RNF38: variants seen among roughly 807,000 people sequenced by gnomAD.
RNF38 encodes ring finger protein 38.
In RNF38, 15 loss-of-function variants were observed where a neutral mutation model predicts 67.2. The observed-to-expected ratio is 0.22, with a 90% confidence interval of 0.15 to 0.34. RNF38 has a LOEUF of 0.34. Ranked by LOEUF, RNF38 falls within the 10% of genes least tolerant of loss-of-function variation. The pLI is 1.00. For synonymous variants in RNF38, 220 were observed against 218.8 expected (o/e 1.01, Z -0.05); for missense variants, 524 against 639.9 (o/e 0.82, Z 1.95).
At chr9:36,429,869 A>G (rs1838885140) in intron 1 of RNF38, among the ~76,000 whole-genome samples, 1 of 152,100 alleles carries the variant, frequency 6.6e-6, no homozygotes, top group Admixed American at 6.6e-5. Flanking sequence ...TAACTGTAGT[A>G]TTGTTGTTTT....
chr9:36,376,217 C>T (rs34367831), intron 2 of RNF38, 90 bp from the exon 3 acceptor site: 4 of 953,348 alleles, frequency 4.2e-6, no homozygotes, highest in Non-Finnish European at 6.0e-6. Flanking sequence ...TGTACTTAAC[C>T]TAAAATCTAA....
Position 36,451,942 on chromosome 9 carries a change from C to T in RNF38, n.242-27259G>A, listed in dbSNP as rs888900724. 1.2e-4 allele frequency among the ~76,000 whole-genome samples: 18 copies of T among 152,036 alleles called. 1 individual carries two copies. The highest frequency in any genetic ancestry group is 9.8e-4 in the Admixed American group (15 of 15,254). On this transcript the variant is annotated intron_variant and non_coding_transcript_variant, in intron 1 of 3. Transcript: ENST00000488058. The stretch of plus-strand genomic sequence containing the variant: ...AAAAAAAAAACTTTTTAAGGCCAGG[C>T]GCGGTGGCTCACCCCTGTAATCCCA...
chr9:36,470,650 T>G (rs1056250871), intron 1 of RNF38, among the ~76,000 whole-genome samples: 1 of 151,950 alleles, frequency 6.6e-6, no homozygotes, highest in Admixed American at 6.6e-5. Flanking sequence ...CAAGATTGTC[T>G]AACCTTTGTT....
At chr9:36,393,523 G>GTGTGTGTGTGTGTGTGTGT (rs1554689616) in intron 1 of RNF38, among the ~76,000 whole-genome samples, 3 of 83,564 alleles carry the variant, frequency 3.6e-5, no homozygotes, top group Admixed American at 1.0e-4. Context: ...GTGTGTGTGT[G>GTGTGTGTGTGTGTGTGTGT]GGGCAGGCAG....
chr9:36,379,167 T>C (rs1440824091), intron 2 of RNF38, among the ~76,000 whole-genome samples: 2 of 152,216 alleles, frequency 1.3e-5, no homozygotes, highest in South Asian at 2.1e-4. Flanking sequence ...CCCAAAGTGT[T>C]GGGATTACAG....
chr9:36,410,483 T>C (rs1838296295), intron 2 of RNF38, among the ~76,000 whole-genome samples: 1 of 152,108 alleles, frequency 6.6e-6, no homozygotes, highest in Admixed American at 6.5e-5. Flanking sequence ...TCCACCACCA[T>C]GCCTGGCTAA....
rs534110021 is a variant in RNF38 at position 36,389,061 on chromosome 9, C to CA, written c.162+1405dup. On this transcript the variant is annotated intron_variant, in intron 2 of 11. Coordinates refer to ENST00000259605, the MANE Select transcript of RNF38 (RefSeq NM_022781.5). ...GAACAGTGGTAGGGCAGTTTCTGGG[C>CA]AAAAAAAACCTTCTAGATCCCCCTC... Among the ~76,000 whole-genome samples the CA allele has an allele frequency of 7.9e-4, 119 of 151,514 alleles. 2 individuals carry two copies. In the South Asian group the frequency reaches 0.022, roughly 28 times the overall value.
intron 2 of RNF38, among the ~76,000 whole-genome samples, chr9:36,387,057 C>T (rs1836695389): frequency 6.6e-6 from 1 of 152,202 alleles, no homozygotes; most frequent in African/African-American, 2.4e-5. Context: ...CCTGCTTCGG[C>T]CTCCCAAATT....
In RNF38 at chr9:36,375,921, G is replaced by A. The variant is rs1357920238; in HGVS notation, c.356+13C>T. 21 of 1,585,050 alleles carry A rather than the reference G, an allele frequency of 1.3e-5. No individual in the cohort carries two copies. The highest frequency in any genetic ancestry group is 1.6e-5 in the Non-Finnish European group (19 of 1,169,890). ...TGGAAGAAAACTTAAGAAATAAATT[G>A]TAATCAACTAACCTTCTTCTGTTGC... On this transcript the variant is annotated intron_variant, in intron 3 of 11. Coordinates refer to ENST00000259605, the MANE Select transcript of RNF38 (RefSeq NM_022781.5).
intron 1 of RNF38, among the ~76,000 whole-genome samples, chr9:36,450,145 C>T (rs889577415): frequency 6.6e-6 from 1 of 152,086 alleles, no homozygotes; most frequent in Non-Finnish European, 1.5e-5. Flanking sequence ...CCTAACTCTT[C>T]GAAACCCAAT....
At chr9:36,347,356 G>A (rs747354971) in intron 9 of RNF38, among the ~76,000 whole-genome samples, 2 of 152,076 alleles carry the variant, frequency 1.3e-5, no homozygotes, top group South Asian at 4.2e-4. Flanking sequence ...CCACAGATAC[G>A]ACCTTTTTAA....
At chr9:36,450,641 G>A (rs372256389) in intron 1 of RNF38, among the ~76,000 whole-genome samples, 3 of 152,192 alleles carry the variant, frequency 2.0e-5, no homozygotes, top group Non-Finnish European at 4.4e-5. Flanking sequence ...AGAGCCAGGC[G>A]CAGTGGCTCA....
At position 36,375,675 on chromosome 9, in the gene RNF38, C is replaced by T. The variant is rs188441753; in HGVS notation, c.356+259G>A. On this transcript the variant is annotated intron_variant, in intron 3 of 11. Coordinates refer to ENST00000259605, the MANE Select transcript of RNF38 (RefSeq NM_022781.5). Reference sequence around the variant, plus strand: ...GCAGGCTAGTCCACAACAATCTGTACCTTAAGTAGCTAATTTCATATATAA... The same window carrying T: ...GCAGGCTAGTCCACAACAATCTGTATCTTAAGTAGCTAATTTCATATATAA... Among the ~76,000 whole-genome samples the T allele has an allele frequency of 2.8e-3, 431 of 152,270 alleles. 1 individual carries two copies. The highest frequency in any genetic ancestry group is 5.3e-3 in the Non-Finnish European group (361 of 68,016).
At chr9:36,381,322 A>G (rs1183855545) in intron 2 of RNF38, among the ~76,000 whole-genome samples, 1 of 152,194 alleles carries the variant, frequency 6.6e-6, no homozygotes, top group Non-Finnish European at 1.5e-5. Flanking sequence ...TCTTGACTAC[A>G]GAGACCCCAG....
At chr9:36,351,409 TAAG>T (rs1310783697) in intron 8 of RNF38, among the ~76,000 whole-genome samples, 6 of 152,158 alleles carry the variant, frequency 3.9e-5, no homozygotes, top group Admixed American at 1.3e-4. Flanking sequence ...ATATACCACA[TAAG>T]AAGATTAGAA....
chr9:36,384,635 T>A (rs1459329881), intron 2 of RNF38, among the ~76,000 whole-genome samples: 1 of 152,238 alleles, frequency 6.6e-6, no homozygotes, highest in Non-Finnish European at 1.5e-5. Flanking sequence ...AGTGTTGGAA[T>A]TTGCCGTTTG....
chr9:36,460,939 G>A (rs188731573), intron 1 of RNF38, among the ~76,000 whole-genome samples: 32 of 149,470 alleles, frequency 2.1e-4, no homozygotes, highest in African/African-American at 5.2e-4. Flanking sequence ...GAGGCTGGTC[G>A]CGATGGCTCA....
Position 36,351,192 on chromosome 9 carries a change from G to A in RNF38, c.1186C>T (p.Leu396Phe). ...GGGCCCACTGCAGGTGGCACTGGAA[G>A]CATTGATCTGCAGTGAAAACAATCA... is the stretch of plus-strand genomic sequence containing the variant. ...PSLLPYVLSMLPVPPAVGPTF... is the reference protein window; with the variant it reads ...PSLLPYVLSMFPVPPAVGPTF... The change falls in exon 9 of 12, where the codon CTT becomes TTT. Residue 396 changes from leucine (L) to phenylalanine (F), a missense_variant. Transcript: ENST00000259605. 2 of 1,609,376 alleles carry A rather than the reference G, an allele frequency of 1.2e-6. No individual in the cohort carries two copies. The highest frequency in any genetic ancestry group is 1.7e-6 in the Non-Finnish European group (2 of 1,176,630).
chr9:36,411,738 T>G (rs75049512), intron 2 of RNF38, among the ~76,000 whole-genome samples: 7 of 146,482 alleles, frequency 4.8e-5, no homozygotes, highest in African/African-American at 9.9e-5. Flanking sequence ...ACTTTTGTAT[T>G]TTTTTTTTTT....
Sources: gnomAD v4.1 joint callset for allele counts (sites outside exome capture counted in the v4.1 genomes callset) on GRCh38, gnomAD v4.1.1 for gene constraint, MANE v1.5 for transcripts, NCBI Gene and HGNC (gene_info 2026-07-23, HGNC 2026-07-21) for gene names.